PDE4D: variants seen among roughly 807,000 people sequenced by gnomAD.
PDE4D encodes 3',5'-cyclic-AMP phosphodiesterase 4D.
In PDE4D, 24 loss-of-function variants were observed where a neutral mutation model predicts 87.4. That is an observed-to-expected ratio of 0.27 (90% CI 0.20 to 0.39). PDE4D has a LOEUF of 0.39. PDE4D is among the 10% of genes least tolerant of loss of function. The pLI is 1.00. For missense variants in PDE4D, 714 were observed against 1,041.0 expected, an observed-to-expected ratio of 0.69 and a Z score of 4.32; for synonymous variants, 384 against 383.2, an observed-to-expected ratio of 1.00 and a Z score of -0.02.
intron 2 of PDE4D, among the ~76,000 whole-genome samples, chr5:59,201,449 T>C (rs544846049): frequency 4.6e-5 from 7 of 152,174 alleles, no homozygotes; most frequent in Non-Finnish European, 1.0e-4. Flanking sequence ...AAAAATAATG[T>C]TCACTCTGAC....
At chr5:59,948,650 T>A (rs1757950664) in intron 3 of PDE4D, among the ~76,000 whole-genome samples, 1 of 152,236 alleles carries the variant, frequency 6.6e-6, no homozygotes, top group African/African-American at 2.4e-5. Flanking sequence ...GAAGTCTCTA[T>A]TAGAACCTAT....
At chr5:60,267,578 G>A (rs1750348040) in intron 1 of PDE4D, among the ~76,000 whole-genome samples, 1 of 151,958 alleles carries the variant, frequency 6.6e-6, no homozygotes, top group Non-Finnish European at 1.5e-5. Context: ...TACTTCACAG[G>A]GTTTTCCTAG....
chr5:59,834,277 C>G (rs1314401826), intron 1 of PDE4D, among the ~76,000 whole-genome samples: 1 of 151,986 alleles, frequency 6.6e-6, no homozygotes, highest in East Asian at 1.9e-4. Flanking sequence ...ATGCTCCCCC[C>G]ACTCCCACCT....
chr5:59,170,930 AGAGTGCAAT>A (rs1376396001), intron 5 of PDE4D, among the ~76,000 whole-genome samples: 2 of 145,006 alleles, frequency 1.4e-5, no homozygotes, highest in Non-Finnish European at 3.0e-5. Flanking sequence ...TGCCCAGGCT[AGAGTGCAAT>A]GGTGCCATCT....
chr5:60,251,757 G>A (rs1748490438), intron 1 of PDE4D, among the ~76,000 whole-genome samples: 2 of 151,852 alleles, frequency 1.3e-5, no homozygotes, highest in Non-Finnish European at 2.9e-5. Context: ...TGGGCCGAAT[G>A]GTAAAAAAGA....
At chr5:60,386,442 A>G (rs939750081) in intron 1 of PDE4D, among the ~76,000 whole-genome samples, 2 of 152,240 alleles carry the variant, frequency 1.3e-5, no homozygotes, top group Non-Finnish European at 2.9e-5. Flanking sequence ...TGTGCCTGAC[A>G]GTGAGCTGCC....
intron 1 of PDE4D, among the ~76,000 whole-genome samples, chr5:59,233,792 C>A (rs915381219): frequency 6.6e-6 from 1 of 152,074 alleles, no homozygotes; most frequent in Non-Finnish European, 1.5e-5. Flanking sequence ...TAGAGTAGGT[C>A]ATAGAAAAGA....
At chr5:59,039,088 C>G in intron 5 of PDE4D, 117 bp from the exon 6 acceptor site, 1 of 1,470,868 alleles carries the variant, frequency 6.8e-7, no homozygotes, top group Non-Finnish European at 9.0e-7. Context: ...GGTGCCGGCA[C>G]ATGAGGGCTG....
At chr5:60,185,467 C>A in intron 2 of PDE4D, 1 of 733,200 alleles carries the variant, frequency 1.4e-6, no homozygotes, top group South Asian at 1.7e-5. Context: ...CAAGCCTAAT[C>A]ATGATAGCAT....
intron 5 of PDE4D, among the ~76,000 whole-genome samples, chr5:59,149,779 AC>A (rs1222766161): frequency 7.1e-6 from 1 of 140,356 alleles, no homozygotes; most frequent in Non-Finnish European, 1.5e-5. Context: ...GAATGGCTTA[AC>A]AAATATTTCC....
chr5:59,796,634 TA>T (rs755297345), intron 1 of PDE4D, among the ~76,000 whole-genome samples: 1 of 152,182 alleles, frequency 6.6e-6, no homozygotes, highest in Non-Finnish European at 1.5e-5. Flanking sequence ...ATTGCCTTAT[TA>T]AAAAAATTAA....
At chr5:59,697,627 T>C (rs1161135917) in intron 1 of PDE4D, among the ~76,000 whole-genome samples, 3 of 152,338 alleles carry the variant, frequency 2.0e-5, no homozygotes, top group East Asian at 3.9e-4. Flanking sequence ...AGATAAAATA[T>C]CTTGACCAAG....
chr5:59,767,517 C>G (rs1433289811), intron 1 of PDE4D, among the ~76,000 whole-genome samples: 1 of 151,204 alleles, frequency 6.6e-6, no homozygotes, highest in African/African-American at 2.4e-5. Flanking sequence ...GAGGAATCCT[C>G]CAGAAAAATA....
intron 1 of PDE4D, among the ~76,000 whole-genome samples, chr5:59,460,651 G>A (rs1479999302): frequency 1.3e-5 from 2 of 152,146 alleles, no homozygotes; most frequent in African/African-American, 4.8e-5. Context: ...GAAGACGGGT[G>A]ACTGCCTTTT....
At chr5:59,799,273 G>T (rs1766849440) in intron 1 of PDE4D, among the ~76,000 whole-genome samples, 1 of 152,168 alleles carries the variant, frequency 6.6e-6, no homozygotes, top group African/African-American at 2.4e-5. Context: ...GGAGTTAACT[G>T]CAGAGAATGA....
intron 5 of PDE4D, among the ~76,000 whole-genome samples, chr5:59,139,410 T>C (rs1168438333): frequency 1.3e-5 from 2 of 152,114 alleles, no homozygotes; most frequent in East Asian, 1.9e-4. Context: ...CCGCAGAACA[T>C]TGTTTCTAGA....
chr5:60,505,849 C>G (rs966610668), intron 1 of PDE4D, among the ~76,000 whole-genome samples: 1 of 152,182 alleles, frequency 6.6e-6, no homozygotes, highest in African/African-American at 2.4e-5. Flanking sequence ...ATATATAAAT[C>G]GAGATCCACC....
At chr5:60,108,985 G>C (rs2149352557) in intron 2 of PDE4D, among the ~76,000 whole-genome samples, 1 of 152,280 alleles carries the variant, frequency 6.6e-6, no homozygotes, top group Admixed American at 6.5e-5. Context: ...AAAAGCAATG[G>C]CAACCAAAGC....
intron 1 of PDE4D, among the ~76,000 whole-genome samples, chr5:60,373,326 C>T (rs1761180757): frequency 6.6e-6 from 1 of 152,174 alleles, no homozygotes; most frequent in South Asian, 2.1e-4. Context: ...GAGGAGCTGG[C>T]CATGTACTCT....
Sources: gnomAD v4.1 joint callset for allele counts (sites outside exome capture counted in the v4.1 genomes callset) on GRCh38, gnomAD v4.1.1 for gene constraint, MANE v1.5 for transcripts, NCBI Gene and HGNC (gene_info 2026-07-23, HGNC 2026-07-21) for gene names.